FER: variants seen among roughly 807,000 people sequenced by gnomAD.
FER encodes tyrosine-protein kinase Fer.
A neutral mutation model predicts 111.0 loss-of-function variants in FER; 63 were observed. The observed-to-expected ratio is 0.57, with a 90% confidence interval of 0.46 to 0.70. The LOEUF (loss-of-function observed/expected upper bound fraction) is 0.70. FER is among the 30% of genes least tolerant of loss of function. The probability of loss-of-function intolerance (pLI) is 0.00; values close to 1 mark genes in which losing one functional copy is unlikely to be tolerated. For missense variants in FER, 914 were observed against 954.0 expected (o/e 0.96, Z 0.55); for synonymous variants, 327 against 313.9 (o/e 1.04, Z -0.44).
chr5:109,150,691 A>T lies in FER; in HGVS notation c.2049-30056A>T, dbSNP rs1322975224. Among the ~76,000 whole-genome samples the T allele has an allele frequency of 2.0e-5, 3 of 152,158 alleles. No homozygotes were observed. In the East Asian group the frequency reaches 5.8e-4, roughly 29 times the overall value. ...CAGGAGACAATATATCTTTAACGTT[A>T]TAGTTGTTTATGTTTCTCCCCTGTG... On this transcript the variant is annotated intron_variant, in intron 17 of 19. Coordinates refer to ENST00000281092, the MANE Select transcript of FER (RefSeq NM_005246.4).
intron 1 of FER, among the ~76,000 whole-genome samples, chr5:108,758,049 T>G (rs1295564591): frequency 3.3e-5 from 5 of 152,180 alleles, no homozygotes; most frequent in Non-Finnish European, 5.9e-5. Context: ...GGTGAAGAGA[T>G]AGACATGGCC....
At chr5:109,127,196 A>G (rs1174804717) in intron 17 of FER, among the ~76,000 whole-genome samples, 5 of 152,196 alleles carry the variant, frequency 3.3e-5, no homozygotes, top group Non-Finnish European at 7.3e-5. Flanking sequence ...GCTTTGTCAT[A>G]TATCTGTATT....
intron 8 of FER, among the ~76,000 whole-genome samples, chr5:108,874,047 T>C (rs1764860763): frequency 6.6e-6 from 1 of 152,218 alleles, no homozygotes; most frequent in South Asian, 2.1e-4. Context: ...CCAAATAACT[T>C]ACTAATTTAT....
At chr5:108,814,682 A>G (rs182417642) in intron 3 of FER, among the ~76,000 whole-genome samples, 17 of 152,266 alleles carry the variant, frequency 1.1e-4, no homozygotes, top group African/African-American at 3.8e-4. Flanking sequence ...CCTTAACCAT[A>G]AACATCTAGA....
chr5:109,020,702 C>G (rs919766772), intron 13 of FER, among the ~76,000 whole-genome samples: 4 of 151,972 alleles, frequency 2.6e-5, no homozygotes, highest in Non-Finnish European at 5.9e-5. Context: ...CCGAGCTTTG[C>G]CTTATGACTT....
intron 14 of FER, among the ~76,000 whole-genome samples, chr5:109,040,915 G>A (rs1271418401): frequency 2.6e-5 from 4 of 152,070 alleles, no homozygotes; most frequent in African/African-American, 4.8e-5. Flanking sequence ...TTATAACAGC[G>A]AGGAAAATTG....
At chr5:108,911,759 A>C (rs1422301567) in intron 10 of FER, among the ~76,000 whole-genome samples, 1 of 152,056 alleles carries the variant, frequency 6.6e-6, no homozygotes, top group East Asian at 1.9e-4. Flanking sequence ...ACTTTGTCAA[A>C]GGTCAGTTGG....
At chr5:109,064,991 G>T (rs1774908441) in intron 16 of FER, among the ~76,000 whole-genome samples, 1 of 152,006 alleles carries the variant, frequency 6.6e-6, no homozygotes, top group Non-Finnish European at 1.5e-5. Flanking sequence ...ATTTATTATT[G>T]GCAGTCTACT....
intron 5 of FER, among the ~76,000 whole-genome samples, chr5:108,847,525 G>A (rs915461479): frequency 1.3e-5 from 2 of 151,938 alleles, no homozygotes; most frequent in East Asian, 3.9e-4. Flanking sequence ...TGGTCCAGTT[G>A]TTTAATAGTA....
intron 13 of FER, among the ~76,000 whole-genome samples, chr5:108,992,271 ACTT>A (rs1180619721): frequency 6.6e-6 from 1 of 152,218 alleles, no homozygotes; most frequent in Admixed American, 6.5e-5. Context: ...TCCCATGTCT[ACTT>A]CTTCCTACAC....
At chr5:108,979,964 C>A (rs932186208) in intron 13 of FER, among the ~76,000 whole-genome samples, 4 of 152,058 alleles carry the variant, frequency 2.6e-5, no homozygotes, top group Non-Finnish European at 5.9e-5. Flanking sequence ...GCACCAAGAT[C>A]TGCATTTTCA....
At chr5:108,927,904 C>T (rs935281084) in intron 10 of FER, among the ~76,000 whole-genome samples, 1 of 152,138 alleles carries the variant, frequency 6.6e-6, no homozygotes, top group Admixed American at 6.5e-5. Flanking sequence ...GAAGAAGGCT[C>T]TTAGGTCTTC....
chr5:108,772,367 A>G lies in FER; in HGVS notation c.-60+4129A>G, dbSNP rs560390538. ...ATGTATATATTTTGTTGTTGTTGTT[A>G]TAGGATTCAAGCAGGTTTCATGTAT... On this transcript the variant is annotated intron_variant, in intron 2 of 19. Coordinates refer to ENST00000281092, the MANE Select transcript of FER (RefSeq NM_005246.4). 2.4e-4 allele frequency among the ~76,000 whole-genome samples: 24 copies of G among 98,166 alleles called. 1 individual carries two copies. Among genetic ancestry groups the G allele is most frequent in the Admixed American group, 4.7e-4 (5 of 10,548 alleles). 64.4% of individuals were successfully genotyped at this position (98,166 alleles called of 152,430 possible). A position where few individuals can be genotyped will look rare whatever the true frequency, so the allele number is the denominator to read the frequency against.
At chr5:109,181,051 T>G in intron 18 of FER, 150 bp downstream of exon 18, 1 of 645,402 alleles carries the variant, frequency 1.5e-6, no homozygotes, top group Non-Finnish European at 2.4e-6. Context: ...ACTTTTAATT[T>G]GTTGAAATTA....
At chr5:109,000,234 G>A (rs529107971) in intron 13 of FER, among the ~76,000 whole-genome samples, 77 of 151,618 alleles carry the variant, frequency 5.1e-4, no homozygotes, top group African/African-American at 1.7e-3. Context: ...AATGTAAAAC[G>A]TGTTTATCAA....
chr5:108,852,891 A>G (rs17161540), intron 5 of FER, among the ~76,000 whole-genome samples: 34,492 of 152,108 alleles, frequency 0.23, 4,123 homozygotes, highest in African/African-American at 0.29. Flanking sequence ...CTCATTAAAC[A>G]CTGAAATATA....
At chr5:108,825,471 A>C (rs1230633428) in intron 3 of FER, among the ~76,000 whole-genome samples, 1 of 152,226 alleles carries the variant, frequency 6.6e-6, no homozygotes, top group South Asian at 2.1e-4. Flanking sequence ...GTTTAAGGTT[A>C]TCTCTCTTAT....
chr5:109,172,959 T>C (rs1170907466), intron 17 of FER, among the ~76,000 whole-genome samples: 1 of 152,212 alleles, frequency 6.6e-6, no homozygotes, highest in Non-Finnish European at 1.5e-5. Context: ...AAAGGTCCAC[T>C]TGGGTTTTTC....
intron 13 of FER, among the ~76,000 whole-genome samples, chr5:108,992,159 C>T (rs1363184226): frequency 1.3e-5 from 2 of 152,154 alleles, no homozygotes; most frequent in Admixed American, 1.3e-4. Flanking sequence ...CCTGAGTGGA[C>T]ACAGCACATG....
Sources: gnomAD v4.1 joint callset for allele counts (sites outside exome capture counted in the v4.1 genomes callset) on GRCh38, gnomAD v4.1.1 for gene constraint, MANE v1.5 for transcripts, NCBI Gene and HGNC (gene_info 2026-07-23, HGNC 2026-07-21) for gene names.